ARHGEF10: variants seen among roughly 807,000 people sequenced by gnomAD.
ARHGEF10 encodes Rho guanine nucleotide exchange factor (GEF) 10.
A neutral mutation model predicts 147.4 loss-of-function variants in ARHGEF10; 140 were observed. That is an observed-to-expected ratio of 0.95 (90% CI 0.83 to 1.09). The LOEUF (loss-of-function observed/expected upper bound fraction) is 1.09, where lower values mean the gene tolerates loss of function less well. ARHGEF10 is among the 50% of genes least tolerant of loss of function. The pLI, the probability that ARHGEF10 is intolerant of heterozygous loss-of-function variation, is 0.00. For missense variants in ARHGEF10, 2,222 were observed against 1,752.7 expected, an observed-to-expected ratio of 1.27 and a Z score of -4.78; for synonymous variants, 902 against 695.8, an observed-to-expected ratio of 1.30 and a Z score of -4.67.
In ARHGEF10 at chr8:1,858,074, A is replaced by C; in HGVS notation, c.152A>C (p.Glu51Ala). 6.2e-7 allele frequency: 1 copy of C among 1,613,076 alleles called. No homozygotes were observed. Among genetic ancestry groups the C allele is most frequent in the South Asian group, 1.1e-5 (1 of 90,962 alleles). ...GACAGACAGGCCCCATCCGCCCCTG[A>C]GACAGGAGGTGCTGGAGCCAGTGAA... Reference protein sequence around the residue: ...EADRQAPSAPETGGAGASEAP... With the variant: ...EADRQAPSAPATGGAGASEAP... The change falls in exon 3 of 29, where the codon GAG becomes GCG. Residue 51 changes from glutamate (E) to alanine (A), a missense_variant. Transcript: ENST00000349830.
chr8:1,903,534 C>T, intron 16 of ARHGEF10, 83 bp downstream of exon 16: 1 of 1,553,016 alleles, frequency 6.4e-7, no homozygotes, highest in Non-Finnish European at 8.8e-7. Context: ...CAATACTAAT[C>T]TTTTGGATCG....
At chr8:1,844,388 C>G (rs892183706) in intron 2 of ARHGEF10, among the ~76,000 whole-genome samples, 1 of 152,160 alleles carries the variant, frequency 6.6e-6, no homozygotes, top group Non-Finnish European at 1.5e-5. Flanking sequence ...GTCACCGGGG[C>G]CTGGTAGATG....
intron 11 of ARHGEF10, among the ~76,000 whole-genome samples, chr8:1,889,270 C>CT (rs1162446462): frequency 1.7e-5 from 1 of 57,230 alleles, no homozygotes; most frequent in East Asian, 1.6e-3. Flanking sequence ...TGAGGAGACA[C>CT]TGAATGTGGT....
At chr8:1,854,496 A>C (rs1333181632) in intron 2 of ARHGEF10, among the ~76,000 whole-genome samples, 1 of 152,130 alleles carries the variant, frequency 6.6e-6, no homozygotes, top group Non-Finnish European at 1.5e-5. Context: ...AGTCTATATA[A>C]CTTGAAAGTC....
chr8:1,883,470 G>T (rs971391277), intron 10 of ARHGEF10, among the ~76,000 whole-genome samples: 3 of 152,100 alleles, frequency 2.0e-5, no homozygotes, highest in African/African-American at 7.2e-5. Context: ...GACGTGGGTA[G>T]CATTTGCTAA....
intron 10 of ARHGEF10, 115 bp from the exon 11 acceptor site, chr8:1,885,486 A>C: frequency 1.4e-6 from 1 of 725,276 alleles, no homozygotes; most frequent in Non-Finnish European, 2.4e-6. Context: ...TCAAGTAAGC[A>C]TGGAAAATTG....
At chr8:1,833,381 GGTGC>G (rs1803379211) in intron 1 of ARHGEF10, among the ~76,000 whole-genome samples, 2 of 143,874 alleles carry the variant, frequency 1.4e-5, no homozygotes, top group South Asian at 4.6e-4. Flanking sequence ...GACAGAGGCA[GGTGC>G]AGCGACAGGG....
rs138253283 is a variant in ARHGEF10 at position 1,854,985 on chromosome 8, G to A, written c.38-2975G>A. On this transcript the variant is annotated intron_variant, in intron 2 of 28. Transcript: ENST00000349830. The stretch of plus-strand genomic sequence containing the variant: ...CTGGTGTCACAGCCCAGGAGGTGGC[G>A]TATGGGGAGGGAGTGGAGGGGCCTC... 5.2e-3 allele frequency among the ~76,000 whole-genome samples: 794 copies of A among 152,256 alleles called. 14 individuals are homozygous for A. Among genetic ancestry groups the A allele is most frequent in the African/African-American group, 0.018 (739 of 41,544 alleles).
chr8:1,897,289 C>T (rs1810055212), intron 14 of ARHGEF10, among the ~76,000 whole-genome samples: 1 of 152,258 alleles, frequency 6.6e-6, no homozygotes, highest in Non-Finnish European at 1.5e-5. Flanking sequence ...GGCTCCTGCT[C>T]CTCCTGGAGC....
At chr8:1,898,209 G>C (rs1810167306) in intron 14 of ARHGEF10, among the ~76,000 whole-genome samples, 1 of 152,222 alleles carries the variant, frequency 6.6e-6, no homozygotes. Context: ...CCCTGGAGCT[G>C]AGGCCAACGT....
At chr8:1,909,740 C>T (rs569339514) in intron 18 of ARHGEF10, among the ~76,000 whole-genome samples, 104 of 152,300 alleles carry the variant, frequency 6.8e-4, no homozygotes, top group African/African-American at 2.3e-3. Flanking sequence ...TCCGTCTTCC[C>T]GGTCCAGTGA....
intron 17 of ARHGEF10, among the ~76,000 whole-genome samples, chr8:1,906,652 C>A (rs4376531): frequency 6.6e-6 from 1 of 151,884 alleles, no homozygotes; most frequent in Non-Finnish European, 1.5e-5. Flanking sequence ...GTGAACTGCA[C>A]ATCCACCTTC....
intron 1 of ARHGEF10, among the ~76,000 whole-genome samples, chr8:1,826,507 G>T (rs1409975489): frequency 6.6e-6 from 1 of 152,188 alleles, no homozygotes; most frequent in East Asian, 1.9e-4. Flanking sequence ...TACAGACCTG[G>T]GTTGAGGTGG....
At chr8:1,884,436 C>A (rs1808486264) in intron 10 of ARHGEF10, among the ~76,000 whole-genome samples, 1 of 151,978 alleles carries the variant, frequency 6.6e-6, no homozygotes, top group Non-Finnish European at 1.5e-5. Context: ...ACCTCCCAAC[C>A]CGAGTTTCCT....
intron 25 of ARHGEF10, among the ~76,000 whole-genome samples, chr8:1,930,299 G>A (rs2129227773): frequency 6.6e-6 from 1 of 151,892 alleles, no homozygotes; most frequent in African/African-American, 2.4e-5. Flanking sequence ...TCTTTCCCAG[G>A]CCATCCACCA....
chr8:1,944,690 C>T (rs911922558), intron 26 of ARHGEF10, among the ~76,000 whole-genome samples: 1 of 152,202 alleles, frequency 6.6e-6, no homozygotes, highest in Non-Finnish European at 1.5e-5. Flanking sequence ...TCTTTAATTT[C>T]AAGAGCTGTG....
At chr8:1,896,020 A>G (rs1330385687) in intron 13 of ARHGEF10, among the ~76,000 whole-genome samples, 2 of 152,192 alleles carry the variant, frequency 1.3e-5, no homozygotes, top group African/African-American at 4.8e-5. Flanking sequence ...GAGACTTGGC[A>G]GGAACTTAAA....
chr8:1,846,442 A>T (rs1038109379), intron 2 of ARHGEF10, among the ~76,000 whole-genome samples: 1 of 152,240 alleles, frequency 6.6e-6, no homozygotes, highest in African/African-American at 2.4e-5. Context: ...GAAGATCAGG[A>T]TCCAGCAGGA....
intron 18 of ARHGEF10, among the ~76,000 whole-genome samples, chr8:1,911,704 C>T (rs2129187079): frequency 6.6e-6 from 1 of 152,276 alleles, no homozygotes; most frequent in East Asian, 1.9e-4. Context: ...TATGTGGTAT[C>T]ACATCCATCA....
Sources: allele counts gnomAD v4.1 joint callset (sites outside exome capture counted in the v4.1 genomes callset), GRCh38; gene constraint gnomAD v4.1.1; transcripts MANE v1.5; gene names NCBI Gene and HGNC (gene_info 2026-07-23, HGNC 2026-07-21).